NRG1: variants seen among roughly 807,000 people sequenced by gnomAD.
The protein encoded by NRG1 is pro-neuregulin-1, membrane-bound isoform.
A neutral mutation model predicts 63.8 loss-of-function variants in NRG1; 18 were observed. The ratio of observed to expected loss-of-function variants is 0.28; its 90% CI spans 0.19 to 0.42. The LOEUF is 0.42. Among genes scored for constraint, NRG1 ranks in the 10% least tolerant of loss-of-function variants. The probability of loss-of-function intolerance (pLI) is 1.00; values close to 1 mark genes in which losing one functional copy is unlikely to be tolerated. For missense variants in NRG1, 762 were observed against 814.7 expected (o/e 0.94, Z 0.79); for synonymous variants, 302 against 301.3 (o/e 1.00, Z -0.02).
At chr8:32,178,016 T>C (rs551526038) in intron 1 of NRG1, among the ~76,000 whole-genome samples, 65 of 151,986 alleles carry the variant, frequency 4.3e-4, no homozygotes, top group Non-Finnish European at 5.1e-4. Context: ...ATCTGAAGAA[T>C]GAGGGTTATT....
chr8:32,513,501 A>T (rs945177303), intron 1 of NRG1, among the ~76,000 whole-genome samples: 2 of 152,020 alleles, frequency 1.3e-5, no homozygotes, highest in Non-Finnish European at 2.9e-5. Context: ...TCCATTATAG[A>T]TATGCCTCCT....
chr8:32,524,106 G>A (rs1330902720), intron 1 of NRG1, among the ~76,000 whole-genome samples: 3 of 151,976 alleles, frequency 2.0e-5, no homozygotes, highest in African/African-American at 7.2e-5. Context: ...GGGCAACATG[G>A]CGAAACTCTG....
At chr8:32,018,011 A>G (rs1296299681) in intron 1 of NRG1, among the ~76,000 whole-genome samples, 2 of 152,306 alleles carry the variant, frequency 1.3e-5, no homozygotes, top group East Asian at 1.9e-4. Flanking sequence ...AAAGCTACCT[A>G]GGGGTTGCCA....
intron 1 of NRG1, among the ~76,000 whole-genome samples, chr8:32,020,687 C>T (rs1816288287): frequency 2.6e-5 from 4 of 152,104 alleles, no homozygotes; most frequent in Admixed American, 2.6e-4. Flanking sequence ...ATGATTCTTC[C>T]TTGCTGAAAA....
At chr8:31,955,022 G>T (rs1007976541) in intron 1 of NRG1, among the ~76,000 whole-genome samples, 18 of 152,094 alleles carry the variant, frequency 1.2e-4, no homozygotes, top group Non-Finnish European at 2.1e-4. Flanking sequence ...GATGAGAGAA[G>T]GGAAAGAGAA....
At chr8:32,366,298 T>C (rs574843658) in intron 1 of NRG1, among the ~76,000 whole-genome samples, 1 of 152,276 alleles carries the variant, frequency 6.6e-6, no homozygotes, top group African/African-American at 2.4e-5. Context: ...TTGTTCCTTC[T>C]GTCTAACTGT....
chr8:32,004,232 A>G (rs1311602792), intron 1 of NRG1, among the ~76,000 whole-genome samples: 3 of 151,930 alleles, frequency 2.0e-5, no homozygotes, highest in Non-Finnish European at 4.4e-5. Context: ...GGACTGGTTG[A>G]GGATGGAGAG....
chr8:31,676,313 A>G (rs1807691533), intron 1 of NRG1, among the ~76,000 whole-genome samples: 1 of 152,138 alleles, frequency 6.6e-6, no homozygotes, highest in African/African-American at 2.4e-5. Flanking sequence ...TGGGTCCCCA[A>G]AGACCCAACA....
intron 1 of NRG1, among the ~76,000 whole-genome samples, chr8:31,761,820 A>C (rs1203066544): frequency 1.4e-4 from 22 of 152,194 alleles, no homozygotes; most frequent in Admixed American, 1.4e-3. Context: ...GAGATGAAGG[A>C]AGCACATGCT....
At chr8:31,797,441 C>T (rs1252741629) in intron 1 of NRG1, among the ~76,000 whole-genome samples, 3 of 152,090 alleles carry the variant, frequency 2.0e-5, no homozygotes, top group East Asian at 1.9e-4. Context: ...ATTATCCAGC[C>T]CCAAAGTTTA....
chr8:32,168,906 A>G (rs1414229865), intron 1 of NRG1, among the ~76,000 whole-genome samples: 1 of 152,042 alleles, frequency 6.6e-6, no homozygotes, highest in Non-Finnish European at 1.5e-5. Context: ...AAATTCCATC[A>G]TGTCAGGGAC....
intron 5 of NRG1, among the ~76,000 whole-genome samples, chr8:32,701,889 A>G (rs573200580): frequency 1.3e-5 from 2 of 152,344 alleles, no homozygotes; most frequent in African/African-American, 2.4e-5. Flanking sequence ...TTGAAAGTCC[A>G]TAAACTGACA....
chr8:32,427,740 C>G (rs182107794), intron 1 of NRG1, among the ~76,000 whole-genome samples: 2 of 152,256 alleles, frequency 1.3e-5, no homozygotes, highest in East Asian at 3.9e-4. Flanking sequence ...TAAGATTGTT[C>G]TAACGTGTGC....
intron 1 of NRG1, among the ~76,000 whole-genome samples, chr8:32,213,569 A>G (rs1300389143): frequency 1.3e-5 from 2 of 152,148 alleles, no homozygotes; most frequent in African/African-American, 2.4e-5. Context: ...ATGTTTACCT[A>G]TGTGACAAAC....
At chr8:32,221,962 G>C (rs1586186517) in intron 1 of NRG1, among the ~76,000 whole-genome samples, 1 of 151,770 alleles carries the variant, frequency 6.6e-6, no homozygotes, top group Admixed American at 6.6e-5. Context: ...TACCAAAACA[G>C]TTTGCTCTTT....
At chr8:32,121,945 A>C (rs901574265) in intron 1 of NRG1, among the ~76,000 whole-genome samples, 3 of 152,034 alleles carry the variant, frequency 2.0e-5, no homozygotes, top group African/African-American at 7.2e-5. Flanking sequence ...AATCATGAAA[A>C]ACTTTGTTCC....
intron 1 of NRG1, among the ~76,000 whole-genome samples, chr8:32,448,158 A>T (rs893930107): frequency 3.9e-5 from 6 of 152,208 alleles, no homozygotes; most frequent in Non-Finnish European, 7.3e-5. Flanking sequence ...GCAATTGTTA[A>T]ATCATTGTTA....
chr8:32,338,273 G>A (rs995528124), intron 1 of NRG1, among the ~76,000 whole-genome samples: 2 of 152,112 alleles, frequency 1.3e-5, no homozygotes, highest in Non-Finnish European at 1.5e-5. Context: ...AGTTATCACC[G>A]GAAGTTGACA....
intron 1 of NRG1, among the ~76,000 whole-genome samples, chr8:32,256,888 T>C (rs1048227816): frequency 6.6e-6 from 1 of 152,202 alleles, no homozygotes; most frequent in African/African-American, 2.4e-5. Context: ...CACCCCCAGC[T>C]GCCCCTTCCC....
Sources: gnomAD v4.1 joint callset for allele counts (sites outside exome capture counted in the v4.1 genomes callset) on GRCh38, gnomAD v4.1.1 for gene constraint, MANE v1.5 for transcripts, NCBI Gene and HGNC (gene_info 2026-07-23, HGNC 2026-07-21) for gene names.